Variants in VPS35 observed in about 807,000 individuals in gnomAD.
VPS35 encodes the protein VPS35 retromer complex component.
A neutral mutation model predicts 98.1 loss-of-function variants in VPS35; 21 were observed. The observed-to-expected ratio is 0.21, with a 90% CI of 0.15 to 0.31. The LOEUF (loss-of-function observed/expected upper bound fraction) is 0.31. Among genes scored for constraint, VPS35 ranks in the 10% least tolerant of loss-of-function variants. VPS35 has a pLI of 1.00. For missense variants in VPS35, 554 were observed against 950.8 expected, an observed-to-expected ratio of 0.58 and a Z score of 5.49; for synonymous variants, 268 against 318.2, an observed-to-expected ratio of 0.84 and a Z score of 1.68.
Position 46,674,278 on chromosome 16 carries a change from T to C in VPS35, c.1160+36A>G, listed in dbSNP as rs184427104. ...GAAAAGCAAATCTAGGACAAAAATA[T>C]CTTTGAGGATTTTTACAAAAATGTA... On this transcript the variant is annotated intron_variant, in intron 10 of 16. Coordinates refer to ENST00000299138, the MANE Select transcript of VPS35 (RefSeq NM_018206.6). The C allele has an allele frequency of 1.6e-4, 263 of 1,610,998 alleles. 1 individual carries two copies. In the African/African-American group the frequency reaches 3.3e-3, roughly 20 times the overall value.
chr16:46,678,366 C>T (rs1254788997), intron 6 of VPS35, among the ~76,000 whole-genome samples: 1 of 145,572 alleles, frequency 6.9e-6, no homozygotes, highest in Non-Finnish European at 1.5e-5. Flanking sequence ...AGTTTACAAA[C>T]TTATGTTGGG....
intron 1 of VPS35, among the ~76,000 whole-genome samples, chr16:46,685,860 T>G (rs1381916260): frequency 6.6e-6 from 1 of 152,206 alleles, no homozygotes; most frequent in East Asian, 1.9e-4. Context: ...TTTTTCTTTA[T>G]GATACATCTG....
intron 12 of VPS35, 162 bp from the exon 13 acceptor site, chr16:46,669,214 C>T: frequency 1.1e-6 from 1 of 878,856 alleles, no homozygotes; most frequent in Non-Finnish European, 1.8e-6. Flanking sequence ...CTCAAGTTGT[C>T]ACAACAACCC....
Position 46,665,965 on chromosome 16 carries a change from G to A in VPS35, c.1648-2803C>T, listed in dbSNP as rs551123429. ...GTCACCCAGGCTGGAGTGCAGTGGC[G>A]CGATCTCAGCTTACTGCAACCTCTG... is the stretch of plus-strand genomic sequence containing the variant. On this transcript the variant is annotated intron_variant, in intron 13 of 16. Transcript: ENST00000299138. Among the ~76,000 whole-genome samples, 255 of 151,902 alleles carry A rather than the reference G, an allele frequency of 1.7e-3. 1 individual carries two copies. The highest frequency in any genetic ancestry group is 5.7e-3 in the African/African-American group (235 of 41,410).
rs1386061382 is a variant in VPS35 at position 46,662,262 on chromosome 16, G to A, written c.2048C>T (p.Thr683Met). Residue 683 changes from threonine (T) to methionine (M), a missense_variant, in exon 15 of 17, where the codon ACG (threonine) becomes ATG (methionine). Physicochemically the swap from Thr to Met is moderately conservative, Grantham distance 81 (BLOSUM62 -1). This residue lies in a region of VPS35 where 153 missense variants were observed against 211.0 expected (regional missense o/e 0.73). Coordinates refer to ENST00000299138, the MANE Select transcript of VPS35 (RefSeq NM_018206.6). Reference protein sequence around the residue: ...CAHLFWSGRNTDKNGEELHGG... With the variant: ...CAHLFWSGRNMDKNGEELHGG... ...CCTTACCTCCTCCCCATTTTTGTCC[G>A]TGTTTCTGCCAGACCAGAAGAGATG... 4 of 1,613,926 alleles carry A rather than the reference G, an allele frequency of 2.5e-6. No individual in the cohort carries two copies. Among genetic ancestry groups the A allele is most frequent in the East Asian group, 2.2e-5 (1 of 44,898 alleles).
At chr16:46,669,544 G>T (rs35845858) in intron 12 of VPS35, among the ~76,000 whole-genome samples, 1 of 151,606 alleles carries the variant, frequency 6.6e-6, no homozygotes, top group African/African-American at 2.4e-5. Context: ...GCGCACACCC[G>T]TAATCTCAGC....
chr16:46,673,099 C>T (rs2143007584), intron 10 of VPS35, among the ~76,000 whole-genome samples: 1 of 152,040 alleles, frequency 6.6e-6, no homozygotes, highest in Non-Finnish European at 1.5e-5. Flanking sequence ...GACACAGATA[C>T]ATCATTTAGT....
intron 6 of VPS35, 79 bp from the exon 7 acceptor site, chr16:46,677,477 C>A: frequency 8.7e-7 from 1 of 1,152,380 alleles, no homozygotes; most frequent in Non-Finnish European, 1.3e-6. Flanking sequence ...CGCATTTGAA[C>A]TACTAACTTG....
Position 46,672,300 on chromosome 16 carries a change from G to C in VPS35, c.1333C>G (p.Leu445Val), listed in dbSNP as rs749503515. 6.2e-7 allele frequency: 1 copy of C among 1,613,706 alleles called. No homozygotes were observed. Among genetic ancestry groups the C allele is most frequent in the Non-Finnish European group, 8.5e-7 (1 of 1,179,852 alleles). The change falls in exon 11 of 17, where the codon CTG becomes GTG. Residue 445 changes from leucine (L) to valine (V), a missense_variant. Coordinates refer to ENST00000299138, the MANE Select transcript of VPS35 (RefSeq NM_018206.6). ...GAGACAATTTCTGTGTTATAATCCA[G>C]AACATTACTAAGCACATAACAACTC... ...SMSCYVLSNVLDYNTEIVSQD... is the reference protein window; with the variant it reads ...SMSCYVLSNVVDYNTEIVSQD...
chr16:46,657,949 T>C lies in VPS35; in HGVS notation c.*2523A>G, dbSNP rs1482115063. On this transcript the variant is annotated 3_prime_UTR_variant, in exon 17 of 17. Coordinates refer to ENST00000299138, the MANE Select transcript of VPS35 (RefSeq NM_018206.6). ...ACAGGTACTTTTTTGTAAGACACAA[T>C]AAAAATTACTAAAAAAGGAGAACAG... 1 of 151,942 alleles carries C rather than the reference T, an allele frequency of 6.6e-6. No homozygotes were observed. Among genetic ancestry groups the C allele is most frequent in the Non-Finnish European group, 1.5e-5 (1 of 67,986 alleles). 9.4% of individuals were successfully genotyped at this position (151,942 alleles called of 1,614,324 possible). A position where few individuals can be genotyped will look rare whatever the true frequency, so the allele number is the denominator to read the frequency against.
intron 2 of VPS35, chr16:46,683,301 A>G (rs1966260847): frequency 1.7e-6 from 1 of 600,486 alleles, no homozygotes; most frequent in Admixed American, 2.9e-5. Context: ...AAGACAGACA[A>G]TCCCAAACCA....
At chr16:46,664,369 C>T (rs1486231938) in intron 13 of VPS35, among the ~76,000 whole-genome samples, 2 of 151,938 alleles carry the variant, frequency 1.3e-5, no homozygotes, top group Admixed American at 6.6e-5. Flanking sequence ...ATCGGCCAGG[C>T]TAGTCTTGAA....
chr16:46,677,989 A>G (rs1185920138), intron 6 of VPS35, among the ~76,000 whole-genome samples: 1 of 152,226 alleles, frequency 6.6e-6, no homozygotes, highest in Non-Finnish European at 1.5e-5. Context: ...TTGTTTGCAT[A>G]TAAACATCCA....
At position 46,658,976 on chromosome 16, in the gene VPS35, T is replaced by A. The variant is rs892792235; in HGVS notation, c.*1496A>T. 1 of 152,226 alleles carries A rather than the reference T, an allele frequency of 6.6e-6. No homozygotes were observed. The highest frequency in any genetic ancestry group is 1.9e-4 in the East Asian group (1 of 5,194). The allele number at this position is 152,226 out of a possible 1,614,324, so 9.4% of individuals were successfully genotyped here. ...ACTTAGTGACTCCCCACTTACAGAATAAGGCAAAAATGAGCATGTCACTTC... is the reference window on the plus strand; with the variant it reads ...ACTTAGTGACTCCCCACTTACAGAAAAAGGCAAAAATGAGCATGTCACTTC... On this transcript the variant is annotated 3_prime_UTR_variant, in exon 17 of 17. Transcript: ENST00000299138.
At chr16:46,662,681 T>G (rs1352246953) in intron 14 of VPS35, among the ~76,000 whole-genome samples, 199 bp from the exon 15 acceptor site, 1 of 152,200 alleles carries the variant, frequency 6.6e-6, no homozygotes, top group Non-Finnish European at 1.5e-5. Flanking sequence ...AAGAAACTTC[T>G]TTCAACTTTG....
intron 7 of VPS35, 77 bp from the exon 8 acceptor site, chr16:46,676,769 T>C (rs1053342859): frequency 9.2e-6 from 10 of 1,088,164 alleles, no homozygotes; most frequent in Non-Finnish European, 1.4e-5. Context: ...AGTTCACATT[T>C]GTGGGAAAAA....
At chr16:46,677,457 C>T in intron 6 of VPS35, 59 bp from the exon 7 acceptor site, 1 of 1,398,422 alleles carries the variant, frequency 7.2e-7, no homozygotes, top group Middle Eastern at 1.9e-4. Context: ...TTAAGCTATT[C>T]CTCTAGTAAC....
chr16:46,676,314 T>C (rs1966152269), intron 8 of VPS35, among the ~76,000 whole-genome samples: 1 of 152,158 alleles, frequency 6.6e-6, no homozygotes, highest in Non-Finnish European at 1.5e-5. Flanking sequence ...AAAATAAGTC[T>C]GTACAACATC....
At chr16:46,676,131 C>T (rs1437365779) in intron 8 of VPS35, among the ~76,000 whole-genome samples, 6 of 141,316 alleles carry the variant, frequency 4.2e-5, no homozygotes, top group Non-Finnish European at 9.2e-5. Flanking sequence ...ATATTTGATA[C>T]TTAAAATTTT....
Sources: gnomAD v4.1 joint callset for allele counts (sites outside exome capture counted in the v4.1 genomes callset) on GRCh38, gnomAD v4.1.1 for gene constraint, gnomAD v4.1.1 regional missense constraint, MANE v1.5 for transcripts, NCBI Gene and HGNC (gene_info 2026-07-23, HGNC 2026-07-21) for gene names.